Variants in MTRR observed in about 807,000 individuals in gnomAD.
The protein encoded by MTRR is 5-methyltetrahydrofolate-homocysteine methyltransferase reductase.
A neutral mutation model predicts 79.2 loss-of-function variants in MTRR; 63 were observed. The observed-to-expected ratio is 0.80, with a 90% CI of 0.65 to 0.98. MTRR has a LOEUF of 0.98. MTRR is among the 50% of genes least tolerant of loss of function. The pLI, the probability that MTRR is intolerant of heterozygous loss-of-function variation, is 0.00. For synonymous variants in MTRR, 355 were observed against 313.3 expected, an observed-to-expected ratio of 1.13 and a Z score of -1.41; for missense variants, 895 against 839.6, an observed-to-expected ratio of 1.07 and a Z score of -0.82.
At chr5:7,869,019 G>T (rs1384588625), upstream of MTRR, 3 of 1,267,146 alleles carry the variant, frequency 2.4e-6, no homozygotes, top group Admixed American at 1.7e-5. Flanking sequence ...TCGCGGAAGC[G>T]CCTGGGCGTC....
intron 2 of MTRR, among the ~76,000 whole-genome samples, chr5:7,863,658 A>G (rs909444667): frequency 3.3e-5 from 5 of 152,210 alleles, no homozygotes; most frequent in Non-Finnish European, 5.9e-5. Flanking sequence ...CAGTTTAGGA[A>G]GAAAAGGATA....
At chr5:7,889,746 A>C (rs945722712) in intron 9 of MTRR, among the ~76,000 whole-genome samples, 1 of 152,238 alleles carries the variant, frequency 6.6e-6, no homozygotes, top group African/African-American at 2.4e-5. Context: ...TGCAGAATGC[A>C]GAAATGCCCC....
rs374795934 is a variant in MTRR, at chr5:7,869,223, G to C, written c.-26+8G>C. ...CCGGCTGGCGCGGCGTGGGTAAGCTGCCTGTCGGCTACGGTTCCCGGATTC... is the reference window on the plus strand; with the variant it reads ...CCGGCTGGCGCGGCGTGGGTAAGCTCCCTGTCGGCTACGGTTCCCGGATTC... On this transcript the variant is annotated splice_region_variant and intron_variant, in intron 1 of 14. Coordinates refer to ENST00000440940, the MANE Select transcript of MTRR (RefSeq NM_002454.3). 103 of 1,604,848 alleles carry C rather than the reference G, an allele frequency of 6.4e-5. No individual in the cohort carries two copies. The highest frequency in any genetic ancestry group is 7.6e-5 in the Non-Finnish European group (90 of 1,179,698).
rs752491169 is a variant in MTRR at position 7,892,876 on chromosome 5, C to T, written c.1520C>T (p.Ala507Val). Residue 507 changes from alanine to valine, a missense_variant, in exon 11 of 15, where the codon GCA becomes GTA. Ala to Val is a moderately conservative substitution (Grantham distance 64). Coordinates refer to ENST00000440940, the MANE Select transcript of MTRR (RefSeq NM_002454.3). ...VASVLQPNIHASHEDSGKALA... is the reference protein window; with the variant it reads ...VASVLQPNIHVSHEDSGKALA... ...TCAGTTCTTCAGCCAAACATACATG[C>T]ATCCCATGAAGACAGCGGGAAAGCC... 5.0e-6 allele frequency: 8 copies of T among 1,614,108 alleles called. No individual in the cohort carries two copies. The highest frequency in any genetic ancestry group is 5.9e-6 in the Non-Finnish European group (7 of 1,180,042).
At chr5:7,868,957 G>A, upstream of MTRR, 1 of 737,722 alleles carries the variant, frequency 1.4e-6, no homozygotes, top group Non-Finnish European at 2.4e-6. Context: ...CAACTGCGCG[G>A]AGACCCCGCG....
chr5:7,869,226 T>C lies in MTRR; in HGVS notation c.-26+11T>C. The C allele has an allele frequency of 1.2e-6, 2 of 1,604,350 alleles. No homozygotes were observed. The highest frequency in any genetic ancestry group is 2.2e-5 in the East Asian group (1 of 44,844). ...GCTGGCGCGGCGTGGGTAAGCTGCC[T>C]GTCGGCTACGGTTCCCGGATTCCGG... is the stretch of plus-strand genomic sequence containing the variant. On this transcript the variant is annotated intron_variant, in intron 1 of 14. Coordinates refer to ENST00000440940, the MANE Select transcript of MTRR (RefSeq NM_002454.3).
intron 4 of MTRR, among the ~76,000 whole-genome samples, chr5:7,877,266 T>A (rs1160917347): frequency 6.6e-6 from 1 of 152,204 alleles, no homozygotes; most frequent in East Asian, 1.9e-4. Context: ...AATTTGTTAG[T>A]AGTAGGTGGA....
rs541845670 is a variant in MTRR, at chr5:7,880,412, T to C, written c.780+2090T>C. Among the ~76,000 whole-genome samples, 4 of 152,332 alleles carry C rather than the reference T, an allele frequency of 2.6e-5. No individual in the cohort carries two copies. In the South Asian group the frequency reaches 8.3e-4, roughly 32 times the overall value. On this transcript the variant is annotated intron_variant, in intron 5 of 14. Coordinates refer to ENST00000440940, the MANE Select transcript of MTRR (RefSeq NM_002454.3). Reference sequence around the variant, plus strand: ...TTGACTAAATCATTGTCCGTGTACCTGAGGCCATGCTAGTCTACTTTGTTA... The same window carrying C: ...TTGACTAAATCATTGTCCGTGTACCCGAGGCCATGCTAGTCTACTTTGTTA...
intron 6 of MTRR, among the ~76,000 whole-genome samples, chr5:7,884,950 T>G (rs1437567265): frequency 6.6e-6 from 1 of 152,202 alleles, no homozygotes; most frequent in Non-Finnish European, 1.5e-5. Context: ...CCAAAATATT[T>G]TTTATTCTGG....
At chr5:7,859,564 G>T in intron 1 of MTRR, 1 of 1,442,032 alleles carries the variant, frequency 6.9e-7, no homozygotes, top group Non-Finnish European at 9.6e-7. Context: ...AAGTAAAACT[G>T]GTCAAGATCC....
intron 1 of MTRR, among the ~76,000 whole-genome samples, chr5:7,852,622 T>C (rs1579510805): frequency 6.6e-6 from 1 of 152,046 alleles, no homozygotes; most frequent in East Asian, 1.9e-4. Context: ...GCACCATCTC[T>C]CCTACATGTG....
At chr5:7,894,703 A>G (rs141076913) in intron 11 of MTRR, among the ~76,000 whole-genome samples, 40 of 152,274 alleles carry the variant, frequency 2.6e-4, no homozygotes, top group Admixed American at 1.1e-3. Flanking sequence ...TATCCTGTGT[A>G]ATTTTGCTTC....
chr5:7,892,717 A>G lies in MTRR; in HGVS notation c.1371-10A>G, dbSNP rs368498814. 7 of 1,614,046 alleles carry G rather than the reference A, an allele frequency of 4.3e-6. No individual in the cohort carries two copies. The highest frequency in any genetic ancestry group is 1.3e-5 in the African/African-American group (1 of 74,922). ...TATCGAGTTCAAAACTTGTCTGTGT[A>G]TCTTTGCAGCTCAAGTTTATTTCAC... On this transcript the variant is annotated splice_polypyrimidine_tract_variant and intron_variant, in intron 10 of 14. Transcript: ENST00000440940.
chr5:7,867,046 G>C (rs1267759741), upstream of MTRR: 1 of 1,614,168 alleles, frequency 6.2e-7, no homozygotes, highest in Non-Finnish European at 8.5e-7. Context: ...ATGTGTCATG[G>C]TGCCCAAAAT....
At chr5:7,851,065 G>T, upstream of MTRR, 1 of 1,235,856 alleles carries the variant, frequency 8.1e-7, no homozygotes, top group Non-Finnish European at 1.0e-6. Context: ...GGTCCGTCCC[G>T]CCCGCCCAGG....
In MTRR at chr5:7,885,932, G is replaced by A. The variant is rs941578780; in HGVS notation, c.1057+78G>A. On this transcript the variant is annotated intron_variant, in intron 7 of 14. Coordinates refer to ENST00000440940, the MANE Select transcript of MTRR (RefSeq NM_002454.3). The stretch of plus-strand genomic sequence containing the variant: ...CTGATGGTGAGAGTGTGGCTCTAAG[G>A]TTCAGGGTCCTGTGTGTTGGCCGCA... 20 of 1,593,664 alleles carry A rather than the reference G, an allele frequency of 1.3e-5. No homozygotes were observed. The African/African-American group carries it at 2.4e-4, about 19-fold the overall frequency.
chr5:7,878,195 ATGT>A lies in MTRR; in HGVS notation c.657_659del (p.Val220del). On this transcript the variant is annotated inframe_deletion, in exon 5 of 15. Coordinates refer to ENST00000440940, the MANE Select transcript of MTRR (RefSeq NM_002454.3). ...AATGCAGTGAACAGCAACCAATCCA[ATGT>A]TGTAATTGAAGACTTTGAGTCCTCA... The A allele has an allele frequency of 6.2e-7, 1 of 1,614,200 alleles. No individual in the cohort carries two copies. The highest frequency in any genetic ancestry group is 8.5e-7 in the Non-Finnish European group (1 of 1,180,034).
At chr5:7,856,843 A>C (rs1350073448) in intron 1 of MTRR, 1 of 149,732 alleles carries the variant, frequency 6.7e-6, no homozygotes, top group East Asian at 2.0e-4. Flanking sequence ...TCAAGTGTCC[A>C]CATGTACCCA....
intron 1 of MTRR, chr5:7,861,563 A>C: frequency 6.5e-7 from 1 of 1,534,640 alleles, no homozygotes; most frequent in Non-Finnish European, 8.8e-7. Context: ...TAATGTGAAA[A>C]ACACAACATT....
Sources: allele counts gnomAD v4.1 joint callset (sites outside exome capture counted in the v4.1 genomes callset), GRCh38; gene constraint gnomAD v4.1.1; transcripts MANE v1.5; gene names NCBI Gene and HGNC (gene_info 2026-07-23, HGNC 2026-07-21).